NARS1: variants seen among roughly 807,000 people sequenced by gnomAD.
NARS1 encodes the protein asparagine--tRNA ligase, cytoplasmic.
A neutral mutation model predicts 79.2 loss-of-function variants in NARS1; 65 were observed. The observed-to-expected ratio is 0.82, with a 90% CI of 0.67 to 1.01. The LOEUF (loss-of-function observed/expected upper bound fraction) is 1.01. Among genes scored for constraint, NARS1 ranks in the 50% least tolerant of loss-of-function variants. The pLI is 0.00. For synonymous variants in NARS1, 229 were observed against 238.8 expected (o/e 0.96, Z 0.38); for missense variants, 649 against 673.8 (o/e 0.96, Z 0.41).
intron 2 of NARS1, among the ~76,000 whole-genome samples, chr18:57,619,130 T>C (rs1357403443): frequency 2.6e-5 from 4 of 152,106 alleles, no homozygotes; most frequent in East Asian, 1.9e-4. Flanking sequence ...TTTTTGTTGT[T>C]GTCGTCCAGG....
At chr18:57,608,070 G>T (rs1373821598) in intron 7 of NARS1, among the ~76,000 whole-genome samples, 2 of 151,196 alleles carry the variant, frequency 1.3e-5, no homozygotes, top group Non-Finnish European at 3.0e-5. Flanking sequence ...GTTTCACCAT[G>T]TTGGCAAAAC....
chr18:57,608,980 T>A (rs536288456), intron 7 of NARS1, among the ~76,000 whole-genome samples: 1 of 152,220 alleles, frequency 6.6e-6, no homozygotes, highest in South Asian at 2.1e-4. Flanking sequence ...CTTCCTGTCA[T>A]TGAACATCAG....
At position 57,601,730 on chromosome 18, in the gene NARS1, G is replaced by T. The variant is rs1282806918; in HGVS notation, c.1569C>A (p.Phe523Leu). The T allele has an allele frequency of 1.1e-5, 17 of 1,613,464 alleles. No individual in the cohort carries two copies. The highest frequency in any genetic ancestry group is 1.4e-5 in the Non-Finnish European group (16 of 1,179,568). The change falls in exon 14 of 14, where the codon TTC (phenylalanine) becomes TTA (leucine). Residue 523 changes from phenylalanine (F) to leucine (L), a missense_variant. Physicochemically the swap from Phe to Leu is conservative, Grantham distance 22. Coordinates refer to ENST00000256854, the MANE Select transcript of NARS1 (RefSeq NM_004539.4). ...GATACCTATTCAGAATCCACGTTAAGAATCGTTCCAAGCCCAAGCCATATC... is the reference window on the plus strand; with the variant it reads ...GATACCTATTCAGAATCCACGTTAATAATCGTTCCAAGCCCAAGCCATATC... ...HGGYGLGLER[F>L]LTWILNRYHI...
Position 57,621,392 on chromosome 18 carries a change from T to A in NARS1, c.10+316A>T, listed in dbSNP as rs1908295858. ...TTTGAAGAACTGCAGGAGTAGGGGCTACCCTGTGTCTGAACCCGTCCCAGC... is the reference window on the plus strand; with the variant it reads ...TTTGAAGAACTGCAGGAGTAGGGGCAACCCTGTGTCTGAACCCGTCCCAGC... On this transcript the variant is annotated intron_variant, in intron 1 of 13. Transcript: ENST00000256854. 2.0e-5 allele frequency among the ~76,000 whole-genome samples: 3 copies of A among 152,112 alleles called. No homozygotes were observed. The South Asian group carries it at 6.2e-4, about 32-fold the overall frequency.
chr18:57,602,238 A>G (rs1410846149), intron 13 of NARS1, 117 bp downstream of exon 13: 2 of 944,650 alleles, frequency 2.1e-6, no homozygotes, highest in Non-Finnish European at 3.2e-6. Context: ...TGCAAACTGA[A>G]TATAGCTCAT....
rs969100272 is a variant in NARS1, at chr18:57,600,842, A to G, written c.*810T>C. 9 of 152,216 alleles carry G rather than the reference A, an allele frequency of 5.9e-5. No individual in the cohort carries two copies. The highest frequency in any genetic ancestry group is 2.2e-4 in the African/African-American group (9 of 41,448). The allele number at this position is 152,216 out of a possible 1,614,324, so 9.4% of individuals were successfully genotyped here. On this transcript the variant is annotated 3_prime_UTR_variant, in exon 14 of 14. Transcript: ENST00000256854. Reference sequence around the variant, plus strand: ...GGGGCAACTCAAACAGCCACTCACAATTGTTATTAAGATTCCAGCTACAAT... The same window carrying G: ...GGGGCAACTCAAACAGCCACTCACAGTTGTTATTAAGATTCCAGCTACAAT...
Position 57,609,393 on chromosome 18 carries a change from C to T in NARS1, c.543G>A (p.Val181=). The T allele has an allele frequency of 2.5e-6, 4 of 1,613,996 alleles. No homozygotes were observed. The highest frequency in any genetic ancestry group is 2.5e-6 in the Non-Finnish European group (3 of 1,179,984). ...TTGGGGTAAGATTTAGCATTCCATA[C>T]ACTGCAACACTGCTCTCCGTGGACA... The part of the protein sequence containing the change: ...VLLSTESSVA[V]YGMLNLTPKG... Residue 181 remains valine (V), a synonymous_variant, in exon 7 of 14, where the codon GTG becomes GTA. Transcript: ENST00000256854.
At chr18:57,603,766 C>T (rs1283202807) in intron 11 of NARS1, among the ~76,000 whole-genome samples, 6 of 140,232 alleles carry the variant, frequency 4.3e-5, no homozygotes, top group South Asian at 2.3e-4. Flanking sequence ...GGAGCCCTTG[C>T]GTCCTCGGAG....
At chr18:57,603,976 G>T (rs1179217571) in intron 11 of NARS1, among the ~76,000 whole-genome samples, 2 of 152,162 alleles carry the variant, frequency 1.3e-5, no homozygotes, top group Non-Finnish European at 2.9e-5. Context: ...ATGCTGACAG[G>T]CTCCCCCTGC....
At chr18:57,611,195 G>A (rs542339932) in intron 6 of NARS1, among the ~76,000 whole-genome samples, 2 of 152,042 alleles carry the variant, frequency 1.3e-5, no homozygotes, top group South Asian at 4.1e-4. Flanking sequence ...CAAACTCCTG[G>A]GCTCAAGCAG....
intron 10 of NARS1, among the ~76,000 whole-genome samples, 166 bp from the exon 11 acceptor site, chr18:57,606,136 G>A (rs1448520392): frequency 6.6e-6 from 1 of 151,756 alleles, no homozygotes; most frequent in African/African-American, 2.4e-5. Flanking sequence ...ATCACTTGAG[G>A]TCAGGAGTTT....
Position 57,615,901 on chromosome 18 carries a change from A to C in NARS1, c.168T>G (p.Asn56Lys), listed in dbSNP as rs748408959. ...TCTTCAACTGTGATTTAGAAATAAC[A>C]TTCCACCTCTCATTTTCTTTTTGTG... ...VDSQKENERW[N>K]VISKSQLKNI... is the part of the protein sequence containing the mutation. The change falls in exon 3 of 14, where the codon AAT (asparagine) becomes AAG (lysine). Residue 56 changes from asparagine to lysine, a missense_variant. Transcript: ENST00000256854. The C allele has an allele frequency of 6.2e-7, 1 of 1,613,518 alleles. No individual in the cohort carries two copies. The highest frequency in any genetic ancestry group is 8.5e-7 in the Non-Finnish European group (1 of 1,179,680).
In NARS1 at chr18:57,605,121, G is replaced by GAAAAAA. The variant is rs199936147; in HGVS notation, c.1251+730_1251+735dup. ...TTAAAAGCACAAGATACATTCTCCA[G>GAAAAAA]AAAAAAAAAAAAAATATATATATAT... On this transcript the variant is annotated intron_variant, in intron 11 of 13. Transcript: ENST00000256854. Among the ~76,000 whole-genome samples the GAAAAAA allele has an allele frequency of 2.7e-4, 34 of 125,424 alleles. 1 individual carries two copies. Among genetic ancestry groups the GAAAAAA allele is most frequent in the African/African-American group, 1.1e-3 (34 of 30,976 alleles). 82.3% of individuals were successfully genotyped at this position (125,424 alleles called of 152,430 possible). A position where few individuals can be genotyped will look rare whatever the true frequency, so the allele number is the denominator to read the frequency against.
intron 7 of NARS1, among the ~76,000 whole-genome samples, chr18:57,607,906 C>T (rs1396122468): frequency 2.0e-5 from 3 of 148,818 alleles, no homozygotes; most frequent in Non-Finnish European, 4.4e-5. Context: ...CTCACTCTGT[C>T]GCCCAGGCTG....
chr18:57,612,595 C>A (rs1235454460), intron 5 of NARS1, among the ~76,000 whole-genome samples: 1 of 152,022 alleles, frequency 6.6e-6, no homozygotes, highest in Non-Finnish European at 1.5e-5. Flanking sequence ...ACAACCACAC[C>A]CAGCTAATTT....
rs1481763242 is a variant in NARS1 at position 57,601,684 on chromosome 18, A to G, written c.1615T>C (p.Tyr539His). 6 of 1,614,074 alleles carry G rather than the reference A, an allele frequency of 3.7e-6. No individual in the cohort carries two copies. The highest frequency in any genetic ancestry group is 5.1e-6 in the Non-Finnish European group (6 of 1,179,914). ...NRYHIRDVCLYPRFVQRCTP is the reference protein window; with the variant it reads ...NRYHIRDVCLHPRFVQRCTP ...GTGCAACGCTGGACAAATCGAGGGTATAAGCACACGTCTCGGATGTGATAC... is the reference window on the plus strand; with the variant it reads ...GTGCAACGCTGGACAAATCGAGGGTGTAAGCACACGTCTCGGATGTGATAC... Residue 539 changes from tyrosine (Y) to histidine (H), a missense_variant, in exon 14 of 14, where the codon TAC becomes CAC. By Grantham distance (83) the Tyr-to-His change is moderately conservative (BLOSUM62 2). Transcript: ENST00000256854.
At chr18:57,621,320 G>A (rs1039124663) in intron 1 of NARS1, among the ~76,000 whole-genome samples, 26 of 151,894 alleles carry the variant, frequency 1.7e-4, no homozygotes, top group African/African-American at 6.3e-4. Context: ...AAAAATGAGG[G>A]TGGGAGAAAA....
chr18:57,605,636 AAAGAAACTCACTT>A (rs1478971059), intron 11 of NARS1, among the ~76,000 whole-genome samples: 1 of 152,002 alleles, frequency 6.6e-6, no homozygotes, highest in Non-Finnish European at 1.5e-5. Flanking sequence ...AAAGAAAAAA[AAAGAAACTCACTT>A]ACGCTTACTG....
chr18:57,615,881 A>T lies in NARS1; in HGVS notation c.188T>A (p.Leu63Ter). The T allele has an allele frequency of 6.2e-7, 1 of 1,613,260 alleles. No homozygotes were observed. Among genetic ancestry groups the T allele is most frequent in the Non-Finnish European group, 8.5e-7 (1 of 1,179,676 alleles). ...ERWNVISKSQ[L>*]KNIKKMWHRE... is the part of the protein sequence containing the mutation. ...ATGCCACATCTTTTTAATGTTCTTCAACTGTGATTTAGAAATAACATTCCA... is the reference window on the plus strand; with the variant it reads ...ATGCCACATCTTTTTAATGTTCTTCTACTGTGATTTAGAAATAACATTCCA... Residue 63 changes from leucine to a stop codon, truncating the protein, a stop_gained, in exon 3 of 14, where the codon TTG (leucine) becomes TAG (stop). Transcript: ENST00000256854. LOFTEE classifies it high-confidence loss of function.
Sources: allele counts gnomAD v4.1 joint callset (sites outside exome capture counted in the v4.1 genomes callset), GRCh38; gene constraint gnomAD v4.1.1; transcripts MANE v1.5; gene names NCBI Gene and HGNC (gene_info 2026-07-23, HGNC 2026-07-21).